The following PARM1 variants were observed in gnomAD, a reference collection of about 807,000 sequenced individuals.
The protein encoded by PARM1 is prostate androgen-regulated mucin-like protein 1.
In PARM1, 14 loss-of-function variants were observed where a neutral mutation model predicts 24.6. That is an observed-to-expected ratio of 0.57 (90% CI 0.38 to 0.89). The LOEUF (loss-of-function observed/expected upper bound fraction) is 0.89. Among genes scored for constraint, PARM1 ranks in the 40% least tolerant of loss-of-function variants. The pLI, the probability that PARM1 is intolerant of heterozygous loss-of-function variation, is 0.00. For synonymous variants in PARM1, 179 were observed against 156.6 expected, an observed-to-expected ratio of 1.14 and a Z score of -1.07; for missense variants, 362 against 380.4, an observed-to-expected ratio of 0.95 and a Z score of 0.40.
At chr4:75,010,474 C>T (rs1041508729) in intron 1 of PARM1, among the ~76,000 whole-genome samples, 1 of 152,172 alleles carries the variant, frequency 6.6e-6, no homozygotes, top group Non-Finnish European at 1.5e-5. Flanking sequence ...TGCCATTGAA[C>T]TGTACACTTA....
intron 3 of PARM1, among the ~76,000 whole-genome samples, chr4:75,037,288 C>T (rs1324273769): frequency 1.3e-5 from 2 of 152,178 alleles, no homozygotes; most frequent in Non-Finnish European, 2.9e-5. Flanking sequence ...AATCACAACC[C>T]ATAGGGAGCC....
At chr4:75,036,524 A>G (rs1328924485) in intron 3 of PARM1, among the ~76,000 whole-genome samples, 11 of 152,176 alleles carry the variant, frequency 7.2e-5, no homozygotes. Flanking sequence ...TGCCAACATC[A>G]TCATCATCAT....
intron 1 of PARM1, among the ~76,000 whole-genome samples, chr4:74,986,746 A>G (rs1357898493): frequency 6.6e-6 from 1 of 151,862 alleles, no homozygotes; most frequent in Non-Finnish European, 1.5e-5. Flanking sequence ...AAAAATTTCA[A>G]TGGAAAAAAA....
At chr4:75,003,322 A>G (rs954147530) in intron 1 of PARM1, among the ~76,000 whole-genome samples, 2 of 138,688 alleles carry the variant, frequency 1.4e-5, no homozygotes, top group Non-Finnish European at 1.5e-5. Context: ...GCATCTAAGG[A>G]AAAAAAAAAA....
chr4:74,976,973 G>A (rs555837550), intron 1 of PARM1, among the ~76,000 whole-genome samples: 4 of 152,290 alleles, frequency 2.6e-5, no homozygotes, highest in Non-Finnish European at 4.4e-5. Flanking sequence ...CTCAAAGATC[G>A]AAGGTAGATA....
intron 1 of PARM1, among the ~76,000 whole-genome samples, chr4:75,007,813 C>A (rs999492970): frequency 6.6e-6 from 1 of 152,078 alleles, no homozygotes; most frequent in Non-Finnish European, 1.5e-5. Flanking sequence ...TAAGAAGGGA[C>A]ATTAAAGAAC....
At chr4:74,937,792 C>T (rs920441095) in intron 1 of PARM1, among the ~76,000 whole-genome samples, 2 of 152,294 alleles carry the variant, frequency 1.3e-5, no homozygotes, top group Middle Eastern at 3.4e-3. Context: ...AACTAATATT[C>T]CAGTGCAGTG....
chr4:75,016,215 T>C (rs1224274051), intron 2 of PARM1, among the ~76,000 whole-genome samples: 1 of 152,102 alleles, frequency 6.6e-6, no homozygotes, highest in Non-Finnish European at 1.5e-5. Context: ...GAAGGGGATT[T>C]GGGCAAAGGG....
intron 1 of PARM1, chr4:74,957,258 G>T (rs116229616): frequency 6.6e-6 from 1 of 152,182 alleles, no homozygotes; most frequent in Non-Finnish European, 1.5e-5. Context: ...GTCCAAAGCC[G>T]CAGAGTTACT....
chr4:74,996,867 T>C (rs765274499), intron 1 of PARM1, among the ~76,000 whole-genome samples: 2 of 152,216 alleles, frequency 1.3e-5, no homozygotes, highest in Non-Finnish European at 1.5e-5. Context: ...TGCTCATACT[T>C]GCTTAGCTAG....
chr4:74,964,392 A>G lies in PARM1; in HGVS notation c.43+31022A>G, dbSNP rs180837694. ...CGTTAAGTTCCTAGAACATTCCTGC[A>G]GGCCCTGCTTTCAGCATTGGTCTGT... On this transcript the variant is annotated intron_variant, in intron 1 of 3. Coordinates refer to ENST00000307428, the MANE Select transcript of PARM1 (RefSeq NM_015393.4). Among the ~76,000 whole-genome samples the G allele has an allele frequency of 5.3e-4, 80 of 152,346 alleles. No homozygotes were observed. In the East Asian group the frequency reaches 0.015, roughly 29 times the overall value.
chr4:74,978,493 A>C (rs1442785387), intron 1 of PARM1, among the ~76,000 whole-genome samples: 1 of 152,180 alleles, frequency 6.6e-6, no homozygotes, highest in East Asian at 1.9e-4. Flanking sequence ...AGAGATTTAT[A>C]CTCCCACACA....
At chr4:74,973,222 T>G (rs1453801996) in intron 1 of PARM1, among the ~76,000 whole-genome samples, 1 of 152,196 alleles carries the variant, frequency 6.6e-6, no homozygotes, top group African/African-American at 2.4e-5. Flanking sequence ...GTATAAAATC[T>G]GAATATTTTC....
chr4:74,988,359 G>A (rs17477556), intron 1 of PARM1, among the ~76,000 whole-genome samples: 32,945 of 152,110 alleles, frequency 0.22, 4,584 homozygotes, highest in Non-Finnish European at 0.31. Context: ...AAGAGAGATG[G>A]CCATGCATAG....
intron 1 of PARM1, among the ~76,000 whole-genome samples, chr4:74,999,633 A>G (rs1722640217): frequency 6.6e-6 from 1 of 152,258 alleles, no homozygotes; most frequent in Non-Finnish European, 1.5e-5. Flanking sequence ...TAGTTGTTGA[A>G]TTGAACTTAA....
intron 1 of PARM1, among the ~76,000 whole-genome samples, chr4:74,984,669 A>AT (rs1002040457): frequency 2.0e-5 from 3 of 152,078 alleles, no homozygotes; most frequent in Admixed American, 6.6e-5. Context: ...AGAATAGCTA[A>AT]TTTTTTTTGA....
Position 74,933,174 on chromosome 4 carries a change from G to C in PARM1, c.-154G>C. On this transcript the variant is annotated 5_prime_UTR_variant, in exon 1 of 4. Transcript: ENST00000307428. ...GACGGAGCTGCGCTGCGTTCGCCTC[G>C]TTTGCCTCGCGCCCTCCACTGGAGC... 1 of 608,044 alleles carries C rather than the reference G, an allele frequency of 1.6e-6. No homozygotes were observed. The highest frequency in any genetic ancestry group is 2.9e-6 in the Non-Finnish European group (1 of 342,618). The allele number at this position is 608,044 out of a possible 1,614,324, so 37.7% of individuals were successfully genotyped here.
chr4:74,997,220 G>T (rs1042442461), intron 1 of PARM1, among the ~76,000 whole-genome samples: 2 of 152,142 alleles, frequency 1.3e-5, no homozygotes, highest in Non-Finnish European at 2.9e-5. Flanking sequence ...CTGGCAGGTA[G>T]TTTCTACCAA....
At chr4:75,008,861 G>A (rs1028011293) in intron 1 of PARM1, among the ~76,000 whole-genome samples, 58 of 152,134 alleles carry the variant, frequency 3.8e-4, no homozygotes, top group African/African-American at 1.4e-3. Context: ...CTAACAGACT[G>A]AGGCTCTCTC....
Sources: gnomAD v4.1 joint callset for allele counts (sites outside exome capture counted in the v4.1 genomes callset) on GRCh38, gnomAD v4.1.1 for gene constraint, MANE v1.5 for transcripts, NCBI Gene and HGNC (gene_info 2026-07-23, HGNC 2026-07-21) for gene names.